Variants in RABGAP1 observed in about 807,000 individuals in gnomAD.
RABGAP1 encodes the protein rab GTPase-activating protein 1.
Under a neutral mutation model 137.6 loss-of-function variants are expected in RABGAP1, and 23 were observed. The ratio of observed to expected loss-of-function variants is 0.17; its 90% confidence interval spans 0.12 to 0.24. The LOEUF is 0.24. Among genes scored for constraint, RABGAP1 ranks in the 10% least tolerant of loss-of-function variants. The pLI is 1.00. For synonymous variants in RABGAP1, 451 were observed against 450.7 expected (o/e 1.00, Z -0.01); for missense variants, 906 against 1,275.8 (o/e 0.71, Z 4.42).
At chr9:122,996,297 TTACTTTGAAATAGCTAC>T in intron 7 of RABGAP1, 146 bp downstream of exon 7, 1 of 1,358,622 alleles carries the variant, frequency 7.4e-7, no homozygotes, top group Admixed American at 3.0e-5. Context: ...CAGTGCTTCA[TTACTTTGAAATAGCTAC>T]TATAAATAAT....
At chr9:122,974,340 G>A (rs577237700) in intron 2 of RABGAP1, among the ~76,000 whole-genome samples, 41 of 151,546 alleles carry the variant, frequency 2.7e-4, no homozygotes, top group African/African-American at 8.9e-4. Flanking sequence ...AAAGAACATG[G>A]AGTCAGGACT....
At chr9:123,061,209 C>G (rs1023767068) in intron 13 of RABGAP1, among the ~76,000 whole-genome samples, 1 of 152,186 alleles carries the variant, frequency 6.6e-6, no homozygotes, top group Non-Finnish European at 1.5e-5. Flanking sequence ...ACCTCTACCT[C>G]CTGGGCTCAA....
At chr9:122,997,546 TC>T (rs1837092649) in intron 9 of RABGAP1, among the ~76,000 whole-genome samples, 185 bp downstream of exon 9, 3 of 151,520 alleles carry the variant, frequency 2.0e-5, no homozygotes, top group Non-Finnish European at 4.4e-5. Context: ...TTCCCACTTT[TC>T]CATCCTTTTT....
chr9:122,993,423 C>T (rs1424544701), intron 6 of RABGAP1, among the ~76,000 whole-genome samples: 6 of 152,004 alleles, frequency 3.9e-5, no homozygotes, highest in Admixed American at 1.3e-4. Context: ...AGGTGCCCAC[C>T]GCCACGCCTG....
chr9:123,057,376 G>T (rs1254485481), intron 13 of RABGAP1, among the ~76,000 whole-genome samples: 2 of 151,572 alleles, frequency 1.3e-5, no homozygotes, highest in African/African-American at 2.4e-5. Flanking sequence ...TCCCAGACGG[G>T]GTTGCGGCCG....
At chr9:123,057,738 G>T (rs1219988842) in intron 13 of RABGAP1, among the ~76,000 whole-genome samples, 1 of 152,162 alleles carries the variant, frequency 6.6e-6, no homozygotes, top group Non-Finnish European at 1.5e-5. Flanking sequence ...CCGAGATCAC[G>T]CCACTGCACT....
Position 123,103,568 on chromosome 9 carries a change from A to C in RABGAP1, c.*355A>C, listed in dbSNP as rs1346212931. On this transcript the variant is annotated 3_prime_UTR_variant, in exon 26 of 26. Coordinates refer to ENST00000373647, the MANE Select transcript of RABGAP1 (RefSeq NM_012197.4). ...CTTCAGTCTGTTGATTTTTTTTCTAAACCTTTTTTTTTTAATATACATATA... is the reference window on the plus strand; with the variant it reads ...CTTCAGTCTGTTGATTTTTTTTCTACACCTTTTTTTTTTAATATACATATA... The C allele has an allele frequency of 1.0e-5, 1 of 99,196 alleles. No homozygotes were observed. The highest frequency in any genetic ancestry group is 3.4e-5 in the African/African-American group (1 of 29,266). 6.1% of individuals were successfully genotyped at this position (99,196 alleles called of 1,614,324 possible).
In RABGAP1 at chr9:123,090,397, G is replaced by A. The variant is rs1485706876; in HGVS notation, c.2628+12G>A. ...AGGACCTGGATAACGTAAGTCCAACGGGTCTGAAGGGAAAGATCTCACTGA... is the reference window on the plus strand; with the variant it reads ...AGGACCTGGATAACGTAAGTCCAACAGGTCTGAAGGGAAAGATCTCACTGA... On this transcript the variant is annotated intron_variant, in intron 21 of 25. Transcript: ENST00000373647. The A allele has an allele frequency of 1.5e-5, 24 of 1,572,430 alleles. No homozygotes were observed. Among genetic ancestry groups the A allele is most frequent in the Admixed American group, 8.7e-5 (5 of 57,744 alleles).
rs886392199 is a variant in RABGAP1, at chr9:122,973,748, G to T, written c.151-10737G>T. On this transcript the variant is annotated intron_variant, in intron 2 of 25. Coordinates refer to ENST00000373647, the MANE Select transcript of RABGAP1 (RefSeq NM_012197.4). The stretch of plus-strand genomic sequence containing the variant: ...TAATCTGCTGGACGTGGTGGCTCAC[G>T]CCTGTAATCCCAGCACTTTGGGAGG... Among the ~76,000 whole-genome samples, 7 of 151,890 alleles carry T rather than the reference G, an allele frequency of 4.6e-5. 1 individual carries two copies. The South Asian group carries it at 1.0e-3, about 23-fold the overall frequency.
chr9:122,968,119 A>G (rs1271231618), intron 2 of RABGAP1, among the ~76,000 whole-genome samples: 3 of 151,754 alleles, frequency 2.0e-5, no homozygotes, highest in Admixed American at 1.3e-4. Context: ...GACATGAGAC[A>G]TTTTCGTACA....
intron 2 of RABGAP1, among the ~76,000 whole-genome samples, chr9:122,981,426 AT>A (rs1252087941): frequency 2.0e-5 from 3 of 152,212 alleles, no homozygotes; most frequent in African/African-American, 7.2e-5. Context: ...GCTTCTGTTC[AT>A]TTCATACTCC....
At chr9:123,033,289 T>C (rs574376184) in intron 13 of RABGAP1, among the ~76,000 whole-genome samples, 3 of 152,266 alleles carry the variant, frequency 2.0e-5, no homozygotes, top group Non-Finnish European at 4.4e-5. Flanking sequence ...CGTGAGAAAA[T>C]AGAAATTACC....
chr9:123,073,508 C>A (rs536628512), intron 15 of RABGAP1, 44 bp from the exon 16 acceptor site: 3 of 1,577,514 alleles, frequency 1.9e-6, no homozygotes, highest in East Asian at 2.3e-5. Flanking sequence ...TTGTGATTCC[C>A]CACCGCCATC....
At chr9:123,041,806 T>A (rs945686189) in intron 13 of RABGAP1, among the ~76,000 whole-genome samples, 1 of 152,202 alleles carries the variant, frequency 6.6e-6, no homozygotes, top group African/African-American at 2.4e-5. Flanking sequence ...GGAATTGGAT[T>A]GCTAAGATGT....
chr9:122,967,638 C>T (rs1486241414), intron 2 of RABGAP1, among the ~76,000 whole-genome samples: 1 of 152,158 alleles, frequency 6.6e-6, no homozygotes, highest in Non-Finnish European at 1.5e-5. Context: ...ACTTACTCTT[C>T]CTGTTTCTAC....
At chr9:123,051,216 GTTTTTTTTTTTTTTTTTTTTTTTTT>G (rs552457119) in intron 13 of RABGAP1, among the ~76,000 whole-genome samples, 23 of 34,274 alleles carry the variant, frequency 6.7e-4, no homozygotes, top group Admixed American at 1.1e-3. Flanking sequence ...ATTCACCTTG[GTTTTTTTTTTTTTTTTTTTTTTTTT>G]TTTTTTTTTT....
chr9:123,088,772 AAG>A (rs1204709294), intron 19 of RABGAP1, among the ~76,000 whole-genome samples: 5 of 152,210 alleles, frequency 3.3e-5, no homozygotes, highest in African/African-American at 1.2e-4. Flanking sequence ...CCAACCAGTA[AAG>A]AGGGGGAAAG....
chr9:123,073,288 A>G (rs928249228), intron 15 of RABGAP1, among the ~76,000 whole-genome samples: 1 of 152,120 alleles, frequency 6.6e-6, no homozygotes, highest in Non-Finnish European at 1.5e-5. Context: ...TCTAATTCCT[A>G]TTACAGTTAT....
At position 122,955,949 on chromosome 9, in the gene RABGAP1, G is replaced by C. The variant is rs76748599; in HGVS notation, c.-49-1062G>C. ...GAGTATAACGTTATATCGTTTTGTTGATGTTGTGACAACCAAATGAAACAT... is the reference window on the plus strand; with the variant it reads ...GAGTATAACGTTATATCGTTTTGTTCATGTTGTGACAACCAAATGAAACAT... On this transcript the variant is annotated intron_variant, in intron 1 of 25. Transcript: ENST00000373647. Among the ~76,000 whole-genome samples the C allele has an allele frequency of 3.8e-3, 585 of 152,258 alleles. 3 individuals carry two copies. The highest frequency in any genetic ancestry group is 0.014 in the African/African-American group (567 of 41,556).
Sources: gnomAD v4.1 joint callset for allele counts (sites outside exome capture counted in the v4.1 genomes callset) on GRCh38, gnomAD v4.1.1 for gene constraint, MANE v1.5 for transcripts, NCBI Gene and HGNC (gene_info 2026-07-23, HGNC 2026-07-21) for gene names.